LRRTM4: variants seen among roughly 807,000 people sequenced by gnomAD.
The protein encoded by LRRTM4 is leucine-rich repeat transmembrane neuronal protein 4.
A neutral mutation model predicts 47.6 loss-of-function variants in LRRTM4; 25 were observed. That is an observed-to-expected ratio of 0.53 (90% CI 0.38 to 0.73). The LOEUF is 0.73. LRRTM4 is among the 30% of genes least tolerant of loss of function. The pLI, the probability that LRRTM4 is intolerant of heterozygous loss-of-function variation, is 0.00. For missense variants in LRRTM4, 638 were observed against 713.4 expected (o/e 0.89, Z 1.20); for synonymous variants, 311 against 269.5 (o/e 1.15, Z -1.51).
intron 3 of LRRTM4, among the ~76,000 whole-genome samples, chr2:76,921,216 T>C (rs1486973457): frequency 6.6e-6 from 1 of 152,134 alleles, no homozygotes; most frequent in Non-Finnish European, 1.5e-5. Flanking sequence ...TTGACAATTT[T>C]AAGGAGCACT....
chr2:77,077,403 A>T (rs1680373545), intron 3 of LRRTM4, among the ~76,000 whole-genome samples: 2 of 152,196 alleles, frequency 1.3e-5, no homozygotes, highest in Admixed American at 1.3e-4. Context: ...AGATAGTACA[A>T]GTCAGACATA....
intron 3 of LRRTM4, among the ~76,000 whole-genome samples, chr2:77,440,476 C>G (rs1294531725): frequency 6.6e-6 from 1 of 152,048 alleles, no homozygotes; most frequent in Non-Finnish European, 1.5e-5. Flanking sequence ...CGACAGGGAA[C>G]AAAAACCCGA....
chr2:77,049,554 G>A (rs1028429409), intron 3 of LRRTM4, among the ~76,000 whole-genome samples: 3 of 151,910 alleles, frequency 2.0e-5, no homozygotes, highest in South Asian at 2.1e-4. Flanking sequence ...TTGATATTGA[G>A]TGTTTTTGAG....
chr2:76,775,745 C>A (rs931377746), intron 3 of LRRTM4, among the ~76,000 whole-genome samples: 2 of 151,846 alleles, frequency 1.3e-5, no homozygotes, highest in Non-Finnish European at 1.5e-5. Context: ...TCATTTCTCT[C>A]TCTTTTTTTT....
intron 3 of LRRTM4, among the ~76,000 whole-genome samples, chr2:77,187,222 A>G (rs148053547): frequency 1.4e-3 from 220 of 152,276 alleles, no homozygotes; most frequent in African/African-American, 5.1e-3. Context: ...CTGTGGTGCC[A>G]TTGATGCTAC....
chr2:77,034,128 A>G (rs1238418391), intron 3 of LRRTM4, among the ~76,000 whole-genome samples: 5 of 151,802 alleles, frequency 3.3e-5, no homozygotes, highest in African/African-American at 1.2e-4. Context: ...TTTAAAGTAA[A>G]GATTTCAAAG....
At chr2:76,793,241 T>C (rs1675074688) in intron 3 of LRRTM4, among the ~76,000 whole-genome samples, 1 of 152,160 alleles carries the variant, frequency 6.6e-6, no homozygotes, top group African/African-American at 2.4e-5. Flanking sequence ...ATATTGTTCA[T>C]TGTTCCTTGA....
chr2:77,441,625 G>T (rs2103930221), intron 3 of LRRTM4, among the ~76,000 whole-genome samples: 1 of 152,178 alleles, frequency 6.6e-6, no homozygotes, highest in South Asian at 2.1e-4. Context: ...AATGACTAAA[G>T]AAATAAACAT....
At chr2:76,818,922 AGTC>A (rs1257609491) in intron 3 of LRRTM4, among the ~76,000 whole-genome samples, 1 of 151,852 alleles carries the variant, frequency 6.6e-6, no homozygotes, top group Non-Finnish European at 1.5e-5. Flanking sequence ...TTACTAGTAA[AGTC>A]AGTTTTAATA....
intron 3 of LRRTM4, among the ~76,000 whole-genome samples, chr2:77,063,455 T>C (rs1405838388): frequency 6.6e-6 from 1 of 152,152 alleles, no homozygotes; most frequent in Admixed American, 6.6e-5. Context: ...TTCTACCAAA[T>C]TACCTGTACT....
At chr2:77,196,692 G>A (rs1292109088) in intron 3 of LRRTM4, among the ~76,000 whole-genome samples, 1 of 152,180 alleles carries the variant, frequency 6.6e-6, no homozygotes, top group African/African-American at 2.4e-5. Flanking sequence ...AGTGAGCTGA[G>A]AACGTGCCAC....
At chr2:76,797,807 G>T (rs1279682221) in intron 3 of LRRTM4, among the ~76,000 whole-genome samples, 4 of 151,062 alleles carry the variant, frequency 2.6e-5, no homozygotes, top group African/African-American at 9.8e-5. Flanking sequence ...AAAGGCAGGG[G>T]TTGCAATCCT....
chr2:76,829,424 T>A (rs2024347503), intron 3 of LRRTM4, among the ~76,000 whole-genome samples: 1 of 151,992 alleles, frequency 6.6e-6, no homozygotes, highest in South Asian at 2.1e-4. Context: ...ATCCTACTCT[T>A]AGCTATCTTT....
chr2:77,031,093 ATATCT>A (rs1388245231), intron 3 of LRRTM4, among the ~76,000 whole-genome samples: 2 of 152,176 alleles, frequency 1.3e-5, no homozygotes, highest in Non-Finnish European at 1.5e-5. Flanking sequence ...CACAATGTTA[ATATCT>A]TATGTAGAAC....
intron 3 of LRRTM4, among the ~76,000 whole-genome samples, chr2:77,261,562 G>A (rs937281400): frequency 3.9e-5 from 6 of 152,016 alleles, no homozygotes; most frequent in Admixed American, 3.3e-4. Context: ...ATTGCATGAA[G>A]TCTTTATTAT....
chr2:77,252,566 G>A (rs530353531), intron 3 of LRRTM4, among the ~76,000 whole-genome samples: 1 of 152,076 alleles, frequency 6.6e-6, no homozygotes, highest in Admixed American at 6.6e-5. Context: ...AAACTTTTTT[G>A]TTTCCTACCT....
At chr2:77,248,747 T>C (rs1675519367) in intron 3 of LRRTM4, among the ~76,000 whole-genome samples, 3 of 151,994 alleles carry the variant, frequency 2.0e-5, no homozygotes, top group Admixed American at 1.3e-4. Flanking sequence ...ACGCACATAA[T>C]TATAGTCAAC....
At chr2:76,774,616 G>A (rs923741375) in intron 3 of LRRTM4, among the ~76,000 whole-genome samples, 3 of 152,170 alleles carry the variant, frequency 2.0e-5, no homozygotes, top group Non-Finnish European at 4.4e-5. Context: ...CTAAGGAGGA[G>A]GAACATGAGG....
chr2:76,966,694 G>A (rs1466824868), intron 3 of LRRTM4, among the ~76,000 whole-genome samples: 1 of 151,352 alleles, frequency 6.6e-6, no homozygotes, highest in African/African-American at 2.4e-5. Flanking sequence ...CAAATTGGCT[G>A]TCCCAAAAAT....
Sources: gnomAD v4.1 joint callset for allele counts (sites outside exome capture counted in the v4.1 genomes callset) on GRCh38, gnomAD v4.1.1 for gene constraint, MANE v1.5 for transcripts, NCBI Gene and HGNC (gene_info 2026-07-23, HGNC 2026-07-21) for gene names.